The following ECPAS variants were observed in gnomAD, a reference collection of about 807,000 sequenced individuals.
The protein encoded by ECPAS is proteasome adapter and scaffold protein ECM29.
ECPAS carries 70 observed loss-of-function variants against 255.1 expected under a neutral mutation model. The observed-to-expected ratio is 0.27, with a 90% CI of 0.23 to 0.33. The LOEUF (loss-of-function observed/expected upper bound fraction) is 0.33. Among genes scored for constraint, ECPAS ranks in the 10% least tolerant of loss-of-function variants. ECPAS has a pLI of 1.00. For synonymous variants in ECPAS, 784 were observed against 775.0 expected (o/e 1.01, Z -0.19); for missense variants, 1,817 against 2,206.4 (o/e 0.82, Z 3.54).
At chr9:111,463,088 C>A (rs1339333050) in intron 2 of ECPAS, among the ~76,000 whole-genome samples, 1 of 152,164 alleles carries the variant, frequency 6.6e-6, no homozygotes, top group Non-Finnish European at 1.5e-5. Context: ...GTGATAATAA[C>A]CCCCAAATTT....
At chr9:111,415,746 T>C (rs2098202514) in intron 18 of ECPAS, among the ~76,000 whole-genome samples, 1 of 150,916 alleles carries the variant, frequency 6.6e-6, no homozygotes, top group Non-Finnish European at 1.5e-5. Flanking sequence ...AACCCTTACA[T>C]AAACAGGCTG....
In ECPAS at chr9:111,392,772, T is replaced by C. The variant is rs538311270; in HGVS notation, c.3088A>G (p.Lys1030Glu). 41 of 1,608,222 alleles carry C rather than the reference T, an allele frequency of 2.5e-5. No homozygotes were observed. The highest frequency in any genetic ancestry group is 3.1e-5 in the Non-Finnish European group (37 of 1,175,834). The change falls in exon 28 of 50, where the codon AAA becomes GAA. Residue 1030 changes from lysine (K) to glutamate (E), a missense_variant. By Grantham distance (56) the Lys-to-Glu change is moderately conservative. Transcript: ENST00000684092. ...STLVETLMTG[K>E]RVKHEVSGET... ...AAATTTTCAAGTTCACCATACCTTT[T>C]GCCAGTCATAAGTGTTTCCACAAGT...
intron 2 of ECPAS, among the ~76,000 whole-genome samples, chr9:111,459,125 T>A (rs991408717): frequency 1.3e-5 from 2 of 152,136 alleles, no homozygotes; most frequent in Non-Finnish European, 2.9e-5. Flanking sequence ...TAATTATATA[T>A]GATATAAAAT....
chr9:111,395,325 C>G (rs1206763230), intron 25 of ECPAS, among the ~76,000 whole-genome samples: 10 of 152,108 alleles, frequency 6.6e-5, no homozygotes, highest in Non-Finnish European at 2.9e-5. Context: ...ACTGGCTTCT[C>G]AAATGCTGTT....
At chr9:111,447,548 C>T (rs1341128674) in intron 3 of ECPAS, among the ~76,000 whole-genome samples, 1 of 152,030 alleles carries the variant, frequency 6.6e-6, no homozygotes, top group Non-Finnish European at 1.5e-5. Flanking sequence ...TTAAAAATAA[C>T]TTGTGGAATT....
intron 27 of ECPAS, among the ~76,000 whole-genome samples, chr9:111,393,291 G>C (rs1030410596): frequency 6.6e-6 from 1 of 152,138 alleles, no homozygotes; most frequent in Non-Finnish European, 1.5e-5. Flanking sequence ...ATAAAACAAA[G>C]CTTAGTACTG....
intron 1 of ECPAS, among the ~76,000 whole-genome samples, chr9:111,473,524 G>A (rs973495307): frequency 1.3e-5 from 2 of 152,040 alleles, no homozygotes; most frequent in East Asian, 3.9e-4. Flanking sequence ...ACGTATACAC[G>A]TGGCTCCCAG....
rs1337333312 is a variant in ECPAS at position 111,474,801 on chromosome 9, T to C, written c.-82-1801A>G. On this transcript the variant is annotated intron_variant, in intron 1 of 49. Coordinates refer to ENST00000684092, the MANE Select transcript of ECPAS (RefSeq NM_001364929.1). ...ATCCTAACAATACTATGAGTGAATC[T>C]TGTCATTCCAATTTTATGAGGAAGA... is the stretch of plus-strand genomic sequence containing the variant. 2.6e-5 allele frequency among the ~76,000 whole-genome samples: 4 copies of C among 152,230 alleles called. No individual in the cohort carries two copies. The East Asian group carries it at 7.7e-4, about 29-fold the overall frequency.
At chr9:111,364,315 G>A (rs779863611) in intron 48 of ECPAS, among the ~76,000 whole-genome samples, 8 of 152,120 alleles carry the variant, frequency 5.3e-5, no homozygotes, top group Non-Finnish European at 7.4e-5. Context: ...AAAGAGTGAC[G>A]GTGACCTGTC....
intron 27 of ECPAS, 34 bp downstream of exon 27, chr9:111,393,646 A>T: frequency 7.4e-7 from 1 of 1,343,676 alleles, no homozygotes; most frequent in Non-Finnish European, 1.1e-6. Flanking sequence ...ATACAAGTTC[A>T]ATTAAGTTTA....
intron 35 of ECPAS, 98 bp from the exon 36 acceptor site, chr9:111,378,828 A>T: frequency 8.2e-7 from 1 of 1,218,394 alleles, no homozygotes; most frequent in Non-Finnish European, 1.1e-6. Context: ...ACTGCATTAA[A>T]GCATATTTTC....
intron 1 of ECPAS, among the ~76,000 whole-genome samples, chr9:111,477,489 T>C (rs908865535): frequency 2.0e-4 from 31 of 152,084 alleles, no homozygotes; most frequent in Admixed American, 4.6e-4. Context: ...TTTTATACAC[T>C]ACAGAAGGTT....
intron 35 of ECPAS, among the ~76,000 whole-genome samples, chr9:111,382,819 T>C (rs1346830563): frequency 6.6e-6 from 1 of 152,218 alleles, no homozygotes; most frequent in Non-Finnish European, 1.5e-5. Flanking sequence ...AGTCATATAT[T>C]ATATCAAAAC....
Position 111,372,491 on chromosome 9 carries a change from T to G in ECPAS, c.4466A>C (p.Glu1489Ala). ...AFLGMHEIAD[E>A]EKSEKEECNL... ...ACATTCTTCTTTTTCGGATTTCTCC[T>G]CATCAGCAATTTCATGCATGCCTAA... The change falls in exon 42 of 50, where the codon GAG (glutamate) becomes GCG (alanine). Residue 1489 changes from glutamate (E) to alanine (A), a missense_variant. Around this residue, in one of 4 missense-constraint regions of ECPAS, gnomAD observed 960 missense variants for 1,179.0 expected, o/e 0.81. Transcript: ENST00000684092. 6.2e-7 allele frequency: 1 copy of G among 1,613,946 alleles called. No individual in the cohort carries two copies.
chr9:111,391,826 T>C lies in ECPAS; in HGVS notation c.3093-2A>G. On this transcript the variant is annotated splice_acceptor_variant, in intron 28 of 49. Transcript: ENST00000684092. LOFTEE classifies it high-confidence loss of function. Reference sequence around the variant, plus strand: ...TCTCCAGAAACTTCATGTTTAACTCTAAACCAAAACAATAATTTCAATAAG... The same window carrying C: ...TCTCCAGAAACTTCATGTTTAACTCCAAACCAAAACAATAATTTCAATAAG... 1 of 1,592,710 alleles carries C rather than the reference T, an allele frequency of 6.3e-7. No homozygotes were observed. Among genetic ancestry groups the C allele is most frequent in the South Asian group, 1.1e-5 (1 of 88,472 alleles).
intron 7 of ECPAS, among the ~76,000 whole-genome samples, chr9:111,436,017 A>G (rs373445326): frequency 2.0e-5 from 3 of 150,366 alleles, no homozygotes; most frequent in Non-Finnish European, 4.4e-5. Context: ...TCTTACTTAC[A>G]TAATAGTTTA....
chr9:111,411,072 T>G lies in ECPAS; in HGVS notation c.2285A>C (p.Lys762Thr). 1.9e-6 allele frequency: 3 copies of G among 1,613,990 alleles called. No homozygotes were observed. The highest frequency in any genetic ancestry group is 1.6e-4 in the Middle Eastern group (1 of 6,062). Residue 762 changes from lysine to threonine, a missense_variant, in exon 22 of 50, where the codon AAA (lysine) becomes ACA (threonine). Lys to Thr is a moderately conservative substitution (Grantham distance 78). Coordinates refer to ENST00000684092, the MANE Select transcript of ECPAS (RefSeq NM_001364929.1). ...FTVGRYLAKK[K>T]MRMSEQQDLE... Reference sequence around the variant, plus strand: ...GTCTTGTTGCTCTGACATTCTCATTTTCTTTTTAGCCAAATACCTTCCCAC... The same window carrying G: ...GTCTTGTTGCTCTGACATTCTCATTGTCTTTTTAGCCAAATACCTTCCCAC...
At chr9:111,471,505 A>G (rs1007773067) in intron 2 of ECPAS, among the ~76,000 whole-genome samples, 3 of 152,272 alleles carry the variant, frequency 2.0e-5, no homozygotes, top group Middle Eastern at 3.4e-3. Flanking sequence ...GGGTGGGGAG[A>G]AGGGGTCTAA....
At chr9:111,382,440 G>C (rs924028368) in intron 35 of ECPAS, among the ~76,000 whole-genome samples, 1 of 151,298 alleles carries the variant, frequency 6.6e-6, no homozygotes, top group Non-Finnish European at 1.5e-5. Context: ...AATTTTTTTT[G>C]TATTTTTAGT....
Sources: allele counts gnomAD v4.1 joint callset (sites outside exome capture counted in the v4.1 genomes callset), GRCh38; gene constraint gnomAD v4.1.1; regional missense constraint gnomAD v4.1.1; transcripts MANE v1.5; gene names NCBI Gene and HGNC (gene_info 2026-07-23, HGNC 2026-07-21).